TWSG1: variants seen among roughly 807,000 people sequenced by gnomAD.
TWSG1 encodes the protein twisted gastrulation protein homolog 1.
TWSG1 carries 15 observed loss-of-function variants against 23.0 expected under a neutral mutation model. The ratio of observed to expected loss-of-function variants is 0.65; its 90% CI spans 0.44 to 1.00. The LOEUF (loss-of-function observed/expected upper bound fraction) is 1.00, where lower values mean the gene tolerates loss of function less well. TWSG1 is among the 50% of genes least tolerant of loss of function. TWSG1 has a pLI of 0.00. For synonymous variants in TWSG1, 86 were observed against 92.8 expected, an observed-to-expected ratio of 0.93 and a Z score of 0.42; for missense variants, 242 against 278.7, an observed-to-expected ratio of 0.87 and a Z score of 0.94.
rs559768808 is a variant in TWSG1 at position 9,376,240 on chromosome 18, T to A, written c.223+16169T>A. Among the ~76,000 whole-genome samples the A allele has an allele frequency of 8.4e-4, 128 of 152,294 alleles. 1 individual carries two copies. Among genetic ancestry groups the A allele is most frequent in the African/African-American group, 2.7e-3 (113 of 41,560 alleles). On this transcript the variant is annotated intron_variant, in intron 3 of 4. Coordinates refer to ENST00000262120, the MANE Select transcript of TWSG1 (RefSeq NM_020648.6). ...CCTTCATCTATAGATTTAATGCAAT[T>A]GCAATAAAAATCCTAGCAATTTATC...
At chr18:9,361,160 T>G (rs2040550699) in intron 3 of TWSG1, among the ~76,000 whole-genome samples, 1 of 152,272 alleles carries the variant, frequency 6.6e-6, no homozygotes, top group South Asian at 2.1e-4. Flanking sequence ...GGTGTACTTC[T>G]TGAGAGATTT....
intron 3 of TWSG1, among the ~76,000 whole-genome samples, chr18:9,369,387 G>C (rs1029618145): frequency 6.6e-6 from 1 of 151,960 alleles, no homozygotes; most frequent in African/African-American, 2.4e-5. Context: ...TCATGCCTCA[G>C]CCTCCCAAGT....
At chr18:9,391,684 A>C (rs112444750) in intron 3 of TWSG1, among the ~76,000 whole-genome samples, 6,191 of 152,332 alleles carry the variant, frequency 0.041, 412 homozygotes, top group African/African-American at 0.14. Context: ...AAGAATTACC[A>C]AAATGTGACA....
chr18:9,365,398 A>G (rs886118172), intron 3 of TWSG1, among the ~76,000 whole-genome samples: 1 of 152,178 alleles, frequency 6.6e-6, no homozygotes, highest in African/African-American at 2.4e-5. Context: ...AAATTGCCTG[A>G]GCGCAGTTGC....
chr18:9,394,682 A>G (rs1349510424), intron 3 of TWSG1, among the ~76,000 whole-genome samples: 1 of 152,064 alleles, frequency 6.6e-6, no homozygotes, highest in Admixed American at 6.6e-5. Context: ...AAGTATAATT[A>G]TTATGTCAAT....
intron 2 of TWSG1, among the ~76,000 whole-genome samples, chr18:9,346,300 A>T (rs1288323210): frequency 6.6e-6 from 1 of 152,114 alleles, no homozygotes; most frequent in Non-Finnish European, 1.5e-5. Flanking sequence ...AGTTTCCTTT[A>T]TGTCTTTTCA....
At chr18:9,395,945 T>C (rs1341750225) in intron 3 of TWSG1, among the ~76,000 whole-genome samples, 3 of 152,098 alleles carry the variant, frequency 2.0e-5, no homozygotes, top group African/African-American at 7.2e-5. Context: ...CTTCAGCATG[T>C]CCCATCATTC....
At chr18:9,340,356 A>G (rs1253475411) in intron 2 of TWSG1, among the ~76,000 whole-genome samples, 2 of 141,832 alleles carry the variant, frequency 1.4e-5, no homozygotes, top group Non-Finnish European at 3.0e-5. Flanking sequence ...CGACAGAGCA[A>G]GACTCCATTT....
chr18:9,360,724 T>C (rs2040548569), intron 3 of TWSG1, among the ~76,000 whole-genome samples: 1 of 152,220 alleles, frequency 6.6e-6, no homozygotes, highest in African/African-American at 2.4e-5. Context: ...ATCATCATAT[T>C]GATCTTTTTT....
chr18:9,350,997 A>G (rs1384671126), intron 2 of TWSG1, among the ~76,000 whole-genome samples: 1 of 152,140 alleles, frequency 6.6e-6, no homozygotes. Context: ...TAGGTATAAT[A>G]TAATGCTTCA....
intron 2 of TWSG1, among the ~76,000 whole-genome samples, chr18:9,350,139 C>CA (rs1408693102): frequency 8.9e-4 from 124 of 139,852 alleles, no homozygotes; most frequent in Middle Eastern, 3.7e-3. Context: ...GACTCCATCT[C>CA]AAAAAAAAAA....
intron 2 of TWSG1, among the ~76,000 whole-genome samples, chr18:9,354,635 A>G (rs917905057): frequency 1.3e-5 from 2 of 152,354 alleles, no homozygotes; most frequent in African/African-American, 4.8e-5. Flanking sequence ...TAAGAATTTA[A>G]TCACTGTTTC....
At chr18:9,350,072 G>T (rs2040495186) in intron 2 of TWSG1, among the ~76,000 whole-genome samples, 1 of 152,038 alleles carries the variant, frequency 6.6e-6, no homozygotes, top group African/African-American at 2.4e-5. Flanking sequence ...CCCAGGAGGT[G>T]GAGGTTGCAG....
rs2040737263 is a variant in TWSG1 at position 9,396,539 on chromosome 18, T to C, written c.483T>C (p.Ser161=). 1.2e-6 allele frequency: 2 copies of C among 1,611,050 alleles called. No homozygotes were observed. The highest frequency in any genetic ancestry group is 1.7e-6 in the Non-Finnish European group (2 of 1,179,602). The change falls in exon 4 of 5, where the codon AGT becomes AGC. Residue 161 remains serine (S), a synonymous_variant. Transcript: ENST00000262120. ...PSNNVHAPYS[S]DKEHMCTVVY... is the part of the protein sequence containing the mutation. ...ATAATGTTCACGCGCCTTATTCCAG[T>C]GACAAAGGTAACTGCCAACAGTTGA...
chr18:9,394,751 C>G (rs2040727052), intron 3 of TWSG1, among the ~76,000 whole-genome samples: 1 of 152,146 alleles, frequency 6.6e-6, no homozygotes, highest in Admixed American at 6.5e-5. Context: ...CCTCTCCCTA[C>G]AGACACACAC....
intron 2 of TWSG1, among the ~76,000 whole-genome samples, chr18:9,350,433 A>C (rs1265517637): frequency 6.6e-6 from 1 of 152,176 alleles, no homozygotes; most frequent in African/African-American, 2.4e-5. Context: ...AGTAGGAAAA[A>C]TTGTAAAATA....
In TWSG1 at chr18:9,396,542, C is replaced by G. The variant is rs2040737334; in HGVS notation, c.486C>G (p.Asp162Glu). ...ATGTTCACGCGCCTTATTCCAGTGA[C>G]AAAGGTAACTGCCAACAGTTGACTT... is the stretch of plus-strand genomic sequence containing the variant. The part of the protein sequence containing the change: ...SNNVHAPYSS[D>E]KEHMCTVVYF... The change falls in exon 4 of 5, where the codon GAC becomes GAG. Residue 162 changes from aspartate to glutamate, a missense_variant. By Grantham distance (45) the Asp-to-Glu change is conservative. Transcript: ENST00000262120. The G allele has an allele frequency of 1.2e-6, 2 of 1,610,338 alleles. No homozygotes were observed. The highest frequency in any genetic ancestry group is 1.7e-6 in the Non-Finnish European group (2 of 1,179,514).
At chr18:9,370,448 C>T (rs542319856) in intron 3 of TWSG1, among the ~76,000 whole-genome samples, 40 of 152,306 alleles carry the variant, frequency 2.6e-4, no homozygotes, top group African/African-American at 9.1e-4. Flanking sequence ...TTGAATTTCA[C>T]TGAACACATA....
chr18:9,389,770 C>T (rs965280), intron 3 of TWSG1, among the ~76,000 whole-genome samples: 71,133 of 152,120 alleles, frequency 0.47, 16,789 homozygotes, highest in Middle Eastern at 0.58. Flanking sequence ...CTCCATCTTA[C>T]ACCTAATAGA....
Sources: allele counts gnomAD v4.1 joint callset (sites outside exome capture counted in the v4.1 genomes callset), GRCh38; gene constraint gnomAD v4.1.1; transcripts MANE v1.5; gene names NCBI Gene and HGNC (gene_info 2026-07-23, HGNC 2026-07-21).